The following PLCG2 variants were observed in gnomAD, a reference collection of about 807,000 sequenced individuals.
PLCG2 encodes the protein phospholipase C gamma 2, also known as 1-phosphatidylinositol 4,5-bisphosphate phosphodiesterase gamma-2.
Under a neutral mutation model 175.6 loss-of-function variants are expected in PLCG2, and 69 were observed. The observed-to-expected ratio is 0.39, with a 90% confidence interval of 0.32 to 0.48. PLCG2 has a LOEUF of 0.48. Ranked by LOEUF, PLCG2 falls within the 20% of genes least tolerant of loss-of-function variation. The pLI is 0.91. For synonymous variants in PLCG2, 827 were observed against 624.0 expected (o/e 1.33, Z -4.85); for missense variants, 1,798 against 1,650.9 (o/e 1.09, Z -1.54).
At chr16:81,942,918 ATTT>A (rs71146055) in intron 30 of PLCG2, among the ~76,000 whole-genome samples, 1 of 147,956 alleles carries the variant, frequency 6.8e-6, no homozygotes, top group African/African-American at 2.5e-5. Context: ...AAAAACAATT[ATTT>A]TTTTTTTTTT....
rs1911641421 is a variant in PLCG2, at chr16:81,957,940, A to T, written c.3756-16A>T. ...CTCATGGCCCACTGCTGATGGTGAA[A>T]TCTGTTTTATTTCAGGTTAAGAGAG... On this transcript the variant is annotated splice_polypyrimidine_tract_variant and intron_variant, in intron 32 of 32. Transcript: ENST00000564138. 6.2e-7 allele frequency: 1 copy of T among 1,612,646 alleles called. No individual in the cohort carries two copies. Among genetic ancestry groups the T allele is most frequent in the Non-Finnish European group, 8.5e-7 (1 of 1,178,804 alleles).
intron 2 of PLCG2, among the ~76,000 whole-genome samples, chr16:81,792,757 G>C (rs969317373): frequency 6.6e-6 from 1 of 152,036 alleles, no homozygotes; most frequent in East Asian, 1.9e-4. Context: ...CAGCATGGAG[G>C]TAACCGGCCC....
chr16:81,944,963 T>A (rs1911094863), intron 30 of PLCG2, among the ~76,000 whole-genome samples: 2 of 152,296 alleles, frequency 1.3e-5, no homozygotes, highest in South Asian at 2.1e-4. Flanking sequence ...GAATTTTATA[T>A]TAAAATGCCA....
intron 2 of PLCG2, among the ~76,000 whole-genome samples, chr16:81,822,087 CT>C (rs1028949136): frequency 1.3e-5 from 2 of 152,176 alleles, no homozygotes; most frequent in East Asian, 3.9e-4. Context: ...TAGGGAGTGT[CT>C]TTTTTTTCTT....
upstream of PLCG2, among the ~76,000 whole-genome samples, chr16:81,778,038 A>AAAAC (rs1852088390): frequency 3.6e-5 from 3 of 82,610 alleles, no homozygotes; most frequent in African/African-American, 5.9e-5. Flanking sequence ...AAAACAAAAA[A>AAAAC]AAAACAAAAA....
At chr16:81,863,559 T>C (rs367581596) in intron 5 of PLCG2, among the ~76,000 whole-genome samples, 8 of 152,208 alleles carry the variant, frequency 5.3e-5, no homozygotes, top group Non-Finnish European at 1.2e-4. Context: ...TCTGTGTATA[T>C]ATCCAGAAGC....
chr16:81,886,196 G>T (rs539554050), intron 9 of PLCG2, among the ~76,000 whole-genome samples: 1 of 152,256 alleles, frequency 6.6e-6, no homozygotes, highest in East Asian at 1.9e-4. Context: ...ACCTAGTGGT[G>T]GTTGACTTTA....
chr16:81,913,166 C>G (rs781337382), intron 19 of PLCG2, among the ~76,000 whole-genome samples: 2 of 152,168 alleles, frequency 1.3e-5, no homozygotes, highest in African/African-American at 4.8e-5. Flanking sequence ...GCCTGTGGTT[C>G]TCTAATGTTA....
Position 81,806,415 on chromosome 16 carries a change from A to G in PLCG2, c.193+20233A>G, listed in dbSNP as rs991366783. On this transcript the variant is annotated intron_variant, in intron 2 of 32. Coordinates refer to ENST00000564138, the MANE Select transcript of PLCG2 (RefSeq NM_002661.5). Reference sequence around the variant, plus strand: ...CTACCAGCTTTGCCATCTGTCCTAGATTTAGGTGTGACATCTGATTGCTGG... The same window carrying G: ...CTACCAGCTTTGCCATCTGTCCTAGGTTTAGGTGTGACATCTGATTGCTGG... Among the ~76,000 whole-genome samples the G allele has an allele frequency of 5.3e-5, 8 of 151,866 alleles. No individual in the cohort carries two copies. In the East Asian group the frequency reaches 1.5e-3, roughly 29 times the overall value.
intron 31 of PLCG2, among the ~76,000 whole-genome samples, chr16:81,947,444 G>A (rs567523353): frequency 4.5e-4 from 69 of 152,292 alleles, no homozygotes; most frequent in African/African-American, 1.6e-3. Context: ...ATGAAGAGTC[G>A]CTCTTGGAAG....
intron 20 of PLCG2, among the ~76,000 whole-genome samples, chr16:81,920,698 G>T (rs1301480124): frequency 6.6e-6 from 1 of 152,148 alleles, no homozygotes; most frequent in African/African-American, 2.4e-5. Context: ...AGAGGTGGTG[G>T]GGGTGGATCT....
intron 7 of PLCG2, among the ~76,000 whole-genome samples, chr16:81,877,373 G>A (rs1242201148): frequency 1.3e-5 from 2 of 152,106 alleles, no homozygotes; most frequent in Non-Finnish European, 2.9e-5. Context: ...GGAGAATGGC[G>A]TGAACCTGGA....
chr16:81,859,609 A>G (rs1597358817), intron 5 of PLCG2, among the ~76,000 whole-genome samples: 1 of 151,648 alleles, frequency 6.6e-6, no homozygotes, highest in Non-Finnish European at 1.5e-5. Context: ...ATCTCAGCTC[A>G]CTGCGAGCTC....
intron 2 of PLCG2, among the ~76,000 whole-genome samples, chr16:81,845,463 G>C (rs894616357): frequency 6.6e-6 from 1 of 152,202 alleles, no homozygotes; most frequent in Non-Finnish European, 1.5e-5. Flanking sequence ...AAGAAGCAGA[G>C]GCACAGAGAA....
chr16:81,780,346 A>C (rs866511954), intron 1 of PLCG2, among the ~76,000 whole-genome samples: 5 of 152,174 alleles, frequency 3.3e-5, no homozygotes, highest in Non-Finnish European at 5.9e-5. Context: ...TTGCTGTTCC[A>C]CGAGGTTCGC....
chr16:81,928,736 A>G lies in PLCG2; in HGVS notation c.2581+112A>G, dbSNP rs45551535. ...GACACAGGGTCCTGTCTTGAATGCCAGCTCCTTCCCTGGCTGAAGCTGAGT... is the reference window on the plus strand; with the variant it reads ...GACACAGGGTCCTGTCTTGAATGCCGGCTCCTTCCCTGGCTGAAGCTGAGT... On this transcript the variant is annotated intron_variant, in intron 24 of 32. Coordinates refer to ENST00000564138, the MANE Select transcript of PLCG2 (RefSeq NM_002661.5). 7.8e-3 allele frequency: 5,687 copies of G among 730,470 alleles called. 43 individuals are homozygous for G. Among genetic ancestry groups the G allele is most frequent in the Non-Finnish European group, 9.2e-3 (3,619 of 395,462 alleles). The allele number at this position is 730,470 out of a possible 1,614,324, so 45.2% of individuals were successfully genotyped here. A position where few individuals can be genotyped will look rare whatever the true frequency, so the allele number is the denominator to read the frequency against.
At chr16:81,815,165 G>T (rs1172018926) in intron 2 of PLCG2, among the ~76,000 whole-genome samples, 1 of 152,168 alleles carries the variant, frequency 6.6e-6, no homozygotes, top group Non-Finnish European at 1.5e-5. Context: ...TGACGCTCTG[G>T]AACGCCTCTT....
At position 81,849,640 on chromosome 16, in the gene PLCG2, G is replaced by A. The variant is rs149771789; in HGVS notation, c.194-4804G>A. 9.6e-4 allele frequency among the ~76,000 whole-genome samples: 146 copies of A among 151,950 alleles called. 1 individual carries two copies. The highest frequency in any genetic ancestry group is 3.3e-3 in the African/African-American group (135 of 41,454). ...ACACAAATTTTCCAGGTCTGGTGGC[G>A]GATGCCTGTAATCCCAGCTACTCGG... On this transcript the variant is annotated intron_variant, in intron 2 of 32. Transcript: ENST00000564138.
At chr16:81,761,097 A>C (rs767919114) in intron 2 of PLCG2, among the ~76,000 whole-genome samples, 1 of 152,156 alleles carries the variant, frequency 6.6e-6, no homozygotes, top group Non-Finnish European at 1.5e-5. Flanking sequence ...AGGTTTCACT[A>C]TGTTGCCCAG....
Sources: allele counts gnomAD v4.1 joint callset (sites outside exome capture counted in the v4.1 genomes callset), GRCh38; gene constraint gnomAD v4.1.1; transcripts MANE v1.5; gene names NCBI Gene and HGNC (gene_info 2026-07-23, HGNC 2026-07-21).